PPP1R13B: variants seen among roughly 807,000 people sequenced by gnomAD.
PPP1R13B encodes protein phosphatase 1 regulatory subunit 13B, also known as apoptosis-stimulating of p53 protein 1.
A neutral mutation model predicts 119.8 loss-of-function variants in PPP1R13B; 44 were observed. The ratio of observed to expected loss-of-function variants is 0.37; its 90% CI spans 0.29 to 0.47. The LOEUF (loss-of-function observed/expected upper bound fraction) is 0.47. Ranked by LOEUF, PPP1R13B falls within the 20% of genes least tolerant of loss-of-function variation. The pLI is 0.99. For missense variants in PPP1R13B, 1,227 were observed against 1,413.5 expected (o/e 0.87, Z 2.12); for synonymous variants, 542 against 561.5 (o/e 0.97, Z 0.49).
intron 1 of PPP1R13B, among the ~76,000 whole-genome samples, chr14:103,805,829 T>C (rs2086004705): frequency 6.6e-6 from 1 of 152,130 alleles, no homozygotes; most frequent in Admixed American, 6.6e-5. Context: ...AACAGTCAAA[T>C]CCATAGAGAA....
intron 8 of PPP1R13B, chr14:103,747,446 T>C (rs542103519): frequency 6.6e-6 from 1 of 152,266 alleles, no homozygotes; most frequent in Non-Finnish European, 1.5e-5. Context: ...CTTGACTAGG[T>C]CACAGTAACC....
Position 103,753,205 on chromosome 14 carries a change from G to A in PPP1R13B, c.632-9C>T, listed in dbSNP as rs752454202. 1 of 1,592,348 alleles carries A rather than the reference G, an allele frequency of 6.3e-7. No individual in the cohort carries two copies. Among genetic ancestry groups the A allele is most frequent in the Admixed American group, 1.8e-5 (1 of 55,790 alleles). ...CCTTTCTATTTCAGCAGCTATAATT[G>A]ACCACACAAGAAAAGAATAAAAGAT... On this transcript the variant is annotated splice_polypyrimidine_tract_variant and intron_variant, in intron 6 of 16. Coordinates refer to ENST00000202556, the MANE Select transcript of PPP1R13B (RefSeq NM_015316.3).
chr14:103,746,291 T>TGGGGGGGGGGGGGGGGGGGGGG lies in PPP1R13B; in HGVS notation c.1150+81_1150+82insCCCCCCCCCCCCCCCCCCCCCC. On this transcript the variant is annotated intron_variant, in intron 9 of 16. Transcript: ENST00000202556. ...TGTGTGGGGCAGAGCCTCAGGAGCC[T>TGGGGGGGGGGGGGGGGGGGGGG]GCCCCACCCCCCGCCCCTCCACCGC... 21 of 272,100 alleles carry TGGGGGGGGGGGGGGGGGGGGGG rather than the reference T, an allele frequency of 7.7e-5. 7 individuals are homozygous for TGGGGGGGGGGGGGGGGGGGGGG. The highest frequency in any genetic ancestry group is 1.5e-4 in the Non-Finnish European group (20 of 133,690). The allele number at this position is 272,100 out of a possible 1,614,324, so 16.9% of individuals were successfully genotyped here. A position where few individuals can be genotyped will look rare whatever the true frequency, so the allele number is the denominator to read the frequency against.
intron 15 of PPP1R13B, 150 bp from the exon 16 acceptor site, chr14:103,736,352 G>T: frequency 1.3e-6 from 1 of 773,904 alleles, no homozygotes. Flanking sequence ...CACTATTGAA[G>T]ACTAGGGCCC....
At chr14:103,829,609 T>C (rs1463509642) in intron 1 of PPP1R13B, among the ~76,000 whole-genome samples, 1 of 152,064 alleles carries the variant, frequency 6.6e-6, no homozygotes, top group Non-Finnish European at 1.5e-5. Context: ...AACACACATC[T>C]ATAGTGTATA....
At chr14:103,784,703 G>T in intron 3 of PPP1R13B, 92 bp downstream of exon 3, 1 of 1,289,498 alleles carries the variant, frequency 7.8e-7, no homozygotes, top group Non-Finnish European at 1.0e-6. Context: ...GCAGGGCCGG[G>T]TGTGTGTGAA....
chr14:103,831,651 T>G (rs1480619854), intron 1 of PPP1R13B, among the ~76,000 whole-genome samples: 1 of 149,664 alleles, frequency 6.7e-6, no homozygotes, highest in East Asian at 2.1e-4. Flanking sequence ...AATTTTAAAT[T>G]GTGGCCGGGC....
chr14:103,837,936 T>C (rs57648252), intron 1 of PPP1R13B, among the ~76,000 whole-genome samples: 2,239 of 152,162 alleles, frequency 0.015, 49 homozygotes, highest in African/African-American at 0.051. Context: ...CTGGACAACA[T>C]GGTGAAACCC....
intron 4 of PPP1R13B, among the ~76,000 whole-genome samples, chr14:103,778,339 G>A (rs1222091124): frequency 1.0e-4 from 12 of 116,056 alleles, no homozygotes; most frequent in Admixed American, 1.9e-4. Context: ...TTGGCTCACT[G>A]CAACCTCTGC....
chr14:103,759,939 T>C (rs751491916), intron 4 of PPP1R13B, among the ~76,000 whole-genome samples: 11 of 152,262 alleles, frequency 7.2e-5, no homozygotes, highest in Non-Finnish European at 8.8e-5. Context: ...CATCTTGTCA[T>C]AGGTAATTCA....
intron 4 of PPP1R13B, chr14:103,762,775 G>A (rs2084840472): frequency 2.8e-6 from 2 of 715,468 alleles, no homozygotes; most frequent in East Asian, 2.7e-5. Context: ...GTGGGGGCAG[G>A]TGGTGGCGGC....
chr14:103,750,840 A>G (rs574187591), intron 7 of PPP1R13B, among the ~76,000 whole-genome samples: 2 of 150,226 alleles, frequency 1.3e-5, no homozygotes, highest in South Asian at 4.2e-4. Flanking sequence ...CAAAAAACAA[A>G]CAAACAAAAA....
rs190646139 is a variant in PPP1R13B at position 103,755,033 on chromosome 14, C to T, written c.457-789G>A. ...TCCTGACCTCGTGATCCACCCGCCT[C>T]GGCCTCCCAAAGTGCTGGGATTACA... On this transcript the variant is annotated intron_variant, in intron 5 of 16. Coordinates refer to ENST00000202556, the MANE Select transcript of PPP1R13B (RefSeq NM_015316.3). Among the ~76,000 whole-genome samples, 1,271 of 152,248 alleles carry T rather than the reference C, an allele frequency of 8.3e-3. 15 individuals carry two copies. Among genetic ancestry groups the T allele is most frequent in the African/African-American group, 0.029 (1,210 of 41,536 alleles).
At position 103,754,067 on chromosome 14, in the gene PPP1R13B, T is replaced by A; in HGVS notation, c.631+3A>T. The A allele has an allele frequency of 6.2e-7, 1 of 1,613,964 alleles. No individual in the cohort carries two copies. The highest frequency in any genetic ancestry group is 8.5e-7 in the Non-Finnish European group (1 of 1,179,908). On this transcript the variant is annotated splice_donor_region_variant and intron_variant, in intron 6 of 16. Transcript: ENST00000202556. ...GTGTCGAGGGGGTGTTGCAGGCACG[T>A]ACACAGATTGCCGTTCATGATTTTG...
intron 1 of PPP1R13B, among the ~76,000 whole-genome samples, chr14:103,827,093 G>C (rs2086564317): frequency 6.6e-6 from 1 of 152,052 alleles, no homozygotes; most frequent in Non-Finnish European, 1.5e-5. Flanking sequence ...GGGAGGCCGA[G>C]GCGGGTGGAT....
In PPP1R13B at chr14:103,742,765, C is replaced by T. The variant is rs761501525; in HGVS notation, c.1209G>A (p.Val403=). The change falls in exon 10 of 17, where the codon GTG becomes GTA. Residue 403 remains valine, a synonymous_variant. Transcript: ENST00000202556. The surrounding 1 kb of genome is among the most constrained non-coding windows in gnomAD (Gnocchi z 4.9). ...KQNSSSSVKP[V]QVAGADWKDP... is the part of the protein sequence containing the mutation. ...CCTTCCAGTCTGCACCGGCCACCTG[C>T]ACTGGTTTCACGGAAGAGCTAGAAT... The T allele has an allele frequency of 1.2e-6, 2 of 1,614,184 alleles. No individual in the cohort carries two copies. Among genetic ancestry groups the T allele is most frequent in the Non-Finnish European group, 1.7e-6 (2 of 1,180,036 alleles).
At chr14:103,779,596 G>A (rs900668189) in intron 3 of PPP1R13B, among the ~76,000 whole-genome samples, 5 of 144,960 alleles carry the variant, frequency 3.4e-5, no homozygotes, top group African/African-American at 1.3e-4. Flanking sequence ...GCAACGTGGC[G>A]AAAATCTGTC....
chr14:103,768,421 C>A (rs1323947067), intron 4 of PPP1R13B, among the ~76,000 whole-genome samples: 3 of 152,208 alleles, frequency 2.0e-5, no homozygotes, highest in Non-Finnish European at 4.4e-5. Flanking sequence ...CTCAGCCTCT[C>A]GAGTAGCTGG....
chr14:103,817,727 T>A (rs553093188), intron 1 of PPP1R13B, among the ~76,000 whole-genome samples: 1 of 152,276 alleles, frequency 6.6e-6, no homozygotes, highest in Non-Finnish European at 1.5e-5. Context: ...TCCTTTTTTT[T>A]AACTCTCAAC....
Sources: gnomAD v4.1 joint callset for allele counts (sites outside exome capture counted in the v4.1 genomes callset) on GRCh38, gnomAD v4.1.1 for gene constraint, Gnocchi (gnomAD v3.1) non-coding constraint, MANE v1.5 for transcripts, NCBI Gene and HGNC (gene_info 2026-07-23, HGNC 2026-07-21) for gene names.